The following WDFY4 variants were observed in gnomAD, a reference collection of about 807,000 sequenced individuals.
WDFY4 encodes WDFY family member 4, also known as WD repeat- and FYVE domain-containing protein 4.
Under a neutral mutation model 351.9 loss-of-function variants are expected in WDFY4, and 169 were observed. The observed-to-expected ratio is 0.48, with a 90% CI of 0.42 to 0.55. The LOEUF (loss-of-function observed/expected upper bound fraction) is 0.55, where lower values mean the gene tolerates loss of function less well. Among genes scored for constraint, WDFY4 ranks in the 20% least tolerant of loss-of-function variants. The probability of loss-of-function intolerance (pLI) is 0.00; values close to 1 mark genes in which losing one functional copy is unlikely to be tolerated. For synonymous variants in WDFY4, 1,622 were observed against 1,574.6 expected (o/e 1.03, Z -0.71); for missense variants, 3,803 against 3,935.6 (o/e 0.97, Z 0.90).
In WDFY4 at chr10:48,974,519, A is replaced by AAC. The variant is rs1554824240; in HGVS notation, c.8929-342_8929-341insCA. Among the ~76,000 whole-genome samples, 18 of 49,924 alleles carry AAC rather than the reference A, an allele frequency of 3.6e-4. 3 individuals are homozygous for AAC. The Admixed American group carries it at 4.9e-3, about 14-fold the overall frequency. The allele number at this position is 49,924 out of a possible 152,430, so 32.8% of individuals were successfully genotyped here. On this transcript the variant is annotated intron_variant, in intron 57 of 61. Coordinates refer to ENST00000325239, the MANE Select transcript of WDFY4 (RefSeq NM_001394531.1). ...CTCCGTCTCAAAAAAAAAAAAAAAA[A>AAC]AAAAAAAAAACAACTCATGACATGA...
At chr10:48,975,097 C>T in intron 58 of WDFY4, 56 bp downstream of exon 58, 4 of 1,549,346 alleles carry the variant, frequency 2.6e-6, no homozygotes, top group Non-Finnish European at 3.5e-6. Flanking sequence ...GCATGGGGTA[C>T]AACACTCAGG....
At chr10:48,729,090 G>A (rs2064367617) in intron 7 of WDFY4, among the ~76,000 whole-genome samples, 1 of 152,220 alleles carries the variant, frequency 6.6e-6, no homozygotes, top group African/African-American at 2.4e-5. Context: ...TTGTTGCAAT[G>A]TTGAACTATT....
chr10:48,820,092 A>G, intron 32 of WDFY4, 142 bp from the exon 33 acceptor site: 1 of 850,972 alleles, frequency 1.2e-6, no homozygotes, highest in Non-Finnish European at 1.8e-6. Flanking sequence ...GATCCTGGGC[A>G]AGTTGCTTTC....
chr10:48,742,993 C>G lies in WDFY4; in HGVS notation c.1904C>G (p.Pro635Arg), dbSNP rs1279642994. Residue 635 changes from proline to arginine, a missense_variant, in exon 12 of 62, where the codon CCC (proline) becomes CGC (arginine). By Grantham distance (103) the Pro-to-Arg change is moderately radical. Coordinates refer to ENST00000325239, the MANE Select transcript of WDFY4 (RefSeq NM_001394531.1). ...LKSLLRILVT[P>R]KGRAAFRVSS... ...TCTCTGCTCCGGATCCTGGTGACCC[C>G]CAAGGGTCGTGCTGCCTTCAGAGTC... The G allele has an allele frequency of 1.9e-6, 3 of 1,549,950 alleles. No homozygotes were observed. The South Asian group carries it at 3.6e-5, about 18-fold the overall frequency.
At chr10:48,754,820 T>C (rs1235625821) in intron 12 of WDFY4, among the ~76,000 whole-genome samples, 1 of 152,158 alleles carries the variant, frequency 6.6e-6, no homozygotes, top group Non-Finnish European at 1.5e-5. Context: ...CTGAGCACCT[T>C]AGCTACTCTG....
In WDFY4 at chr10:48,725,925, C is replaced by A. The variant is rs1361191437; in HGVS notation, c.636C>A (p.Leu212=). 1 of 1,551,236 alleles carries A rather than the reference C, an allele frequency of 6.4e-7. No homozygotes were observed. The highest frequency in any genetic ancestry group is 8.7e-7 in the Non-Finnish European group (1 of 1,146,714). The change falls in exon 6 of 62, where the codon CTC becomes CTA. Residue 212 remains leucine, a synonymous_variant. Coordinates refer to ENST00000325239, the MANE Select transcript of WDFY4 (RefSeq NM_001394531.1). ...ICSDSQGLEG[L]LSGSELQSLL... ...GTGACTCTCAGGGCCTGGAGGGACT[C>A]CTCTCAGGAAGTGAGCTGCAGTCTC... is the stretch of plus-strand genomic sequence containing the variant.
intron 39 of WDFY4, among the ~76,000 whole-genome samples, chr10:48,848,159 G>C (rs1396647713): frequency 6.6e-6 from 1 of 152,150 alleles, no homozygotes; most frequent in South Asian, 2.1e-4. Flanking sequence ...TGGAGCCCAG[G>C]CTGTCCCGTC....
intron 51 of WDFY4, among the ~76,000 whole-genome samples, chr10:48,948,850 T>C (rs1189226116): frequency 1.3e-5 from 2 of 152,244 alleles, no homozygotes; most frequent in East Asian, 3.8e-4. Flanking sequence ...TGGTCTCCTC[T>C]GGTTTAAGCT....
rs764972343 is a variant in WDFY4 at position 48,721,354 on chromosome 10, C to T, written c.443C>T (p.Thr148Met). The T allele has an allele frequency of 8.4e-6, 13 of 1,551,598 alleles. No individual in the cohort carries two copies. Among genetic ancestry groups the T allele is most frequent in the East Asian group, 7.3e-5 (3 of 40,912 alleles). The change falls in exon 4 of 62, where the codon ACG becomes ATG. Residue 148 changes from threonine to methionine, a missense_variant. Coordinates refer to ENST00000325239, the MANE Select transcript of WDFY4 (RefSeq NM_001394531.1). ...YLLLKSVYVL[T>M]GTDSETLGRV... ...CTCCTGAAGTCAGTGTACGTGCTCA[C>T]GGGGACAGACTCGGTAAGTTTCAGA...
chr10:48,805,946 C>T (rs2067239194), intron 26 of WDFY4, 58 bp from the exon 27 acceptor site: 1 of 1,450,508 alleles, frequency 6.9e-7, no homozygotes, highest in African/African-American at 1.4e-5. Context: ...CTGGCATGTA[C>T]TCAGCGGACT....
intron 38 of WDFY4, 138 bp from the exon 39 acceptor site, chr10:48,832,435 T>C (rs1250767574): frequency 9.6e-7 from 1 of 1,039,474 alleles, no homozygotes; most frequent in Non-Finnish European, 1.3e-6. Flanking sequence ...TGTGAGCTTG[T>C]AGCCTGGGTT....
chr10:48,945,855 C>T (rs764857702), intron 49 of WDFY4, among the ~76,000 whole-genome samples, 185 bp from the exon 50 acceptor site: 1 of 152,178 alleles, frequency 6.6e-6, no homozygotes, highest in Non-Finnish European at 1.5e-5. Flanking sequence ...TCATTTCTCC[C>T]TTTTTAAGTC....
At position 48,788,661 on chromosome 10, in the gene WDFY4, C is replaced by T. The variant is rs1198906505; in HGVS notation, c.3940C>T (p.Leu1314=). Residue 1314 remains leucine, a synonymous_variant, in exon 21 of 62, where the codon CTG becomes TTG. Transcript: ENST00000325239. The part of the protein sequence containing the change: ...RNAYNEVDSR[L]IAKEMNISSR... Reference sequence around the variant, plus strand: ...TGCTTACAATGAGGTGGACAGCCGCCTGATCGCCAAAGAGGTACATCTTCT... The same window carrying T: ...TGCTTACAATGAGGTGGACAGCCGCTTGATCGCCAAAGAGGTACATCTTCT... 2 of 1,551,694 alleles carry T rather than the reference C, an allele frequency of 1.3e-6. No homozygotes were observed. Among genetic ancestry groups the T allele is most frequent in the Admixed American group, 3.9e-5 (2 of 51,006 alleles).
At chr10:48,776,695 C>A (rs1351481488) in intron 15 of WDFY4, 55 bp from the exon 16 acceptor site, 2 of 1,299,792 alleles carry the variant, frequency 1.5e-6, no homozygotes, top group Non-Finnish European at 2.1e-6. Flanking sequence ...TTGTCAGAAG[C>A]GAGACAGAAA....
At chr10:48,795,510 T>C (rs1361608985) in intron 23 of WDFY4, among the ~76,000 whole-genome samples, 1 of 101,454 alleles carries the variant, frequency 9.9e-6, no homozygotes, top group Non-Finnish European at 1.9e-5. Context: ...TATATATATA[T>C]ATATATATAT....
intron 11 of WDFY4, 118 bp from the exon 12 acceptor site, chr10:48,742,850 T>C (rs1431292398): frequency 3.3e-6 from 3 of 899,412 alleles, no homozygotes; most frequent in East Asian, 5.3e-5. Context: ...TTCCTGTAAC[T>C]TGTTGGCCTG....
At chr10:48,860,486 G>A (rs73312052) in intron 39 of WDFY4, among the ~76,000 whole-genome samples, 8,779 of 152,170 alleles carry the variant, frequency 0.058, 868 homozygotes, top group African/African-American at 0.2. Context: ...TTCTTATGAG[G>A]ACACTAATAC....
intron 39 of WDFY4, among the ~76,000 whole-genome samples, chr10:48,847,379 A>AC (rs1403729930): frequency 6.6e-6 from 1 of 152,150 alleles, no homozygotes; most frequent in Non-Finnish European, 1.5e-5. Context: ...CAACATATGA[A>AC]TTGGGGGGAA....
At chr10:48,933,405 A>G (rs1029255013) in intron 47 of WDFY4, among the ~76,000 whole-genome samples, 1 of 152,216 alleles carries the variant, frequency 6.6e-6, no homozygotes, top group Non-Finnish European at 1.5e-5. Flanking sequence ...CCCTTTCCCA[A>G]GGACTTAGCT....
Sources: allele counts gnomAD v4.1 joint callset (sites outside exome capture counted in the v4.1 genomes callset), GRCh38; gene constraint gnomAD v4.1.1; transcripts MANE v1.5; gene names NCBI Gene and HGNC (gene_info 2026-07-23, HGNC 2026-07-21).